Variants in ARHGEF16 observed in about 807,000 individuals in gnomAD.
ARHGEF16 encodes the protein Rho guanine exchange factor (GEF) 16.
Under a neutral mutation model 74.1 loss-of-function variants are expected in ARHGEF16, and 59 were observed. The observed-to-expected ratio is 0.80, with a 90% CI of 0.65 to 0.99. The LOEUF is 0.99. Ranked by LOEUF, ARHGEF16 falls within the 50% of genes least tolerant of loss-of-function variation. ARHGEF16 has a pLI of 0.00. For missense variants in ARHGEF16, 948 were observed against 986.6 expected, an observed-to-expected ratio of 0.96 and a Z score of 0.52; for synonymous variants, 415 against 412.6, an observed-to-expected ratio of 1.01 and a Z score of -0.07.
rs190407416 is a variant in ARHGEF16, at chr1:3,477,900, G to T, written c.1499G>T (p.Arg500Leu). ...VKSLPLISAS[R>L]WLLKRGELFL... The stretch of plus-strand genomic sequence containing the variant: ...TCCCTCCCACTGATCTCTGCCTCCC[G>T]GTGGCTGCTGAAGCGCGGAGAGCTG... The change falls in exon 11 of 15, where the codon CGG becomes CTG. Residue 500 changes from arginine (R) to leucine (L), a missense_variant. Transcript: ENST00000378378. The T allele has an allele frequency of 6.5e-4, 1,053 of 1,612,512 alleles. 12 individuals carry two copies. In the Admixed American group the frequency reaches 0.016, roughly 25 times the overall value.
At position 3,466,166 on chromosome 1, in the gene ARHGEF16, C is replaced by T. The variant is rs531452977; in HGVS notation, c.607C>T (p.Arg203Cys). 5.8e-6 allele frequency: 9 copies of T among 1,547,190 alleles called. No homozygotes were observed. The highest frequency in any genetic ancestry group is 4.9e-5 in the East Asian group (2 of 40,640). Residue 203 changes from arginine (R) to cysteine (C), a missense_variant, in exon 3 of 15, where the codon CGT (arginine) becomes TGT (cysteine). By Grantham distance (180) the Arg-to-Cys change is radical (BLOSUM62 -3). Transcript: ENST00000378378. ...TGTGCAGAAGACGCTGGGGAGGAAA[C>T]GTGGGCACAAGGGTTCCTTCAAGGA... is the stretch of plus-strand genomic sequence containing the variant. Reference protein sequence around the residue: ...AKNKKTLGRKRGHKGSFKDDP... With the variant: ...AKNKKTLGRKCGHKGSFKDDP...
At chr1:3,471,756 C>T in intron 6 of ARHGEF16, 3 of 1,192,664 alleles carry the variant, frequency 2.5e-6, no homozygotes, top group Non-Finnish European at 3.2e-6. Context: ...TCCTGGCATT[C>T]ACAGTGAACT....
At position 3,469,219 on chromosome 1, in the gene ARHGEF16, C is replaced by T. The variant is rs564977706; in HGVS notation, c.862-214C>T. The stretch of plus-strand genomic sequence containing the variant: ...ACGGGGGTCGTTGCCCAGCTTCAGC[C>T]GGCTCATAAGGCACCCAGCCAGGGG... On this transcript the variant is annotated intron_variant, in intron 5 of 14. Transcript: ENST00000378378. 9.1e-4 allele frequency among the ~76,000 whole-genome samples: 138 copies of T among 152,296 alleles called. 1 individual carries two copies. The highest frequency in any genetic ancestry group is 3.2e-3 in the African/African-American group (135 of 41,566).
chr1:3,463,242 A>G lies in ARHGEF16; in HGVS notation c.158A>G (p.Gln53Arg), dbSNP rs1639447989. 3 of 1,547,566 alleles carry G rather than the reference A, an allele frequency of 1.9e-6. No homozygotes were observed. The highest frequency in any genetic ancestry group is 2.6e-6 in the Non-Finnish European group (3 of 1,145,084). The change falls in exon 2 of 15, where the codon CAG becomes CGG. Residue 53 changes from glutamine to arginine, a missense_variant. Transcript: ENST00000378378. ...AGAGACGATGCCGCCTTCCAGCCCCAGGTCCCGGCACCCCCACAGCCTCGG... is the reference window on the plus strand; with the variant it reads ...AGAGACGATGCCGCCTTCCAGCCCCGGGTCCCGGCACCCCCACAGCCTCGG... The part of the protein sequence containing the change: ...RVRDDAAFQP[Q>R]VPAPPQPRPP...
chr1:3,459,420 CAG>C (rs151090630), intron 1 of ARHGEF16, among the ~76,000 whole-genome samples: 6,815 of 152,276 alleles, frequency 0.045, 509 homozygotes, highest in African/African-American at 0.16. Flanking sequence ...CCTCACCAGT[CAG>C]GGGAGAGGAA....
At chr1:3,472,709 T>C (rs2298082) in intron 6 of ARHGEF16, 129,597 of 174,422 alleles carry the variant, frequency 0.74, 51,351 homozygotes, top group South Asian at 0.87. Context: ...TGGAAGGAGC[T>C]TGAAGGGCGA....
intron 3 of ARHGEF16, chr1:3,466,848 A>G: frequency 3.8e-6 from 1 of 265,452 alleles, no homozygotes. Flanking sequence ...GGGGGTACCC[A>G]GGTCTCCTCT....
At chr1:3,459,338 G>A (rs1303282623) in intron 1 of ARHGEF16, among the ~76,000 whole-genome samples, 1 of 152,230 alleles carries the variant, frequency 6.6e-6, no homozygotes, top group Non-Finnish European at 1.5e-5. Context: ...CCCTTCCCCA[G>A]CAACTCTGAC....
At position 3,467,379 on chromosome 1, in the gene ARHGEF16, G is replaced by A. The variant is rs749565133; in HGVS notation, c.804+42G>A. 1.7e-5 allele frequency: 26 copies of A among 1,523,386 alleles called. No homozygotes were observed. The African/African-American group carries it at 3.4e-4, about 20-fold the overall frequency. 94.4% of individuals were successfully genotyped at this position (1,523,386 alleles called of 1,614,324 possible). Reference sequence around the variant, plus strand: ...GGTGAGGCTGCCCCACAGAGGCAGGGAGAAGCCACAGTCCCCCTGCTGTTC... The same window carrying A: ...GGTGAGGCTGCCCCACAGAGGCAGGAAGAAGCCACAGTCCCCCTGCTGTTC... On this transcript the variant is annotated intron_variant, in intron 4 of 14. Transcript: ENST00000378378.
chr1:3,470,833 G>A (rs570167643), intron 6 of ARHGEF16, among the ~76,000 whole-genome samples: 10 of 148,362 alleles, frequency 6.7e-5, no homozygotes, highest in African/African-American at 2.3e-4. Flanking sequence ...TGTGTGGGCA[G>A]GGGTGTGTGT....
At chr1:3,480,167 C>A (rs189938560) in intron 14 of ARHGEF16, among the ~76,000 whole-genome samples, 244 of 152,316 alleles carry the variant, frequency 1.6e-3, no homozygotes, top group African/African-American at 5.6e-3. Context: ...TCAGCCAGGC[C>A]CAGCACGAGC....
chr1:3,467,834 C>T (rs941400465), intron 4 of ARHGEF16, among the ~76,000 whole-genome samples: 5 of 152,148 alleles, frequency 3.3e-5, no homozygotes, highest in African/African-American at 9.7e-5. Flanking sequence ...ATGGCTGCTC[C>T]TACCCCAGGT....
chr1:3,479,431 C>T (rs1639993307), intron 12 of ARHGEF16, 86 bp from the exon 13 acceptor site: 3 of 1,469,230 alleles, frequency 2.0e-6, no homozygotes, highest in Non-Finnish European at 2.8e-6. Flanking sequence ...TTGCCACGGC[C>T]CCCATGGGTG....
chr1:3,458,894 AATGAAAATGATAAGACCAGG>A (rs1639326172), intron 1 of ARHGEF16, among the ~76,000 whole-genome samples: 1 of 152,226 alleles, frequency 6.6e-6, no homozygotes, highest in Non-Finnish European at 1.5e-5. Context: ...CTTTGAGGAT[AATGAAAATGATAAGACCAGG>A]GGCCAATAAG....
At chr1:3,466,610 G>A (rs1473138275) in intron 3 of ARHGEF16, among the ~76,000 whole-genome samples, 1 of 152,208 alleles carries the variant, frequency 6.6e-6, no homozygotes, top group Non-Finnish European at 1.5e-5. Flanking sequence ...ATGGGTGGCG[G>A]TGGTGCACAC....
At chr1:3,474,033 A>G in intron 8 of ARHGEF16, 1 of 201,804 alleles carries the variant, frequency 5.0e-6, no homozygotes, top group South Asian at 1.0e-4. Context: ...TATACAGTGT[A>G]CACGCACTCA....
chr1:3,462,469 A>G (rs1639423907), intron 1 of ARHGEF16, among the ~76,000 whole-genome samples: 1 of 152,136 alleles, frequency 6.6e-6, no homozygotes, highest in South Asian at 2.1e-4. Context: ...CCCCCAACCC[A>G]GCAGAGCCTG....
At position 3,473,444 on chromosome 1, in the gene ARHGEF16, G is replaced by A. The variant is rs60260959; in HGVS notation, c.1227G>A (p.Pro409=). ...CCCTGAGAGAGATTGAGAGGCGGCC[G>A]GCGTGCGGGGGCCTGCCCATGCTCT... ...REALREIERR[P]ACGGLPMLSF... The change falls in exon 8 of 15, where the codon CCG becomes CCA. Residue 409 remains proline, a synonymous_variant. Transcript: ENST00000378378. 2,313 of 1,612,426 alleles carry A rather than the reference G, an allele frequency of 1.4e-3. 27 individuals are homozygous for A. The African/African-American group carries it at 0.028, about 20-fold the overall frequency.
In ARHGEF16 at chr1:3,473,100, C is replaced by G; in HGVS notation, c.1045C>G (p.Arg349Gly). Residue 349 changes from arginine to glycine, a missense_variant, in exon 7 of 15, where the codon CGG becomes GGG. Physicochemically the swap from Arg to Gly is moderately radical, Grantham distance 125 (BLOSUM62 -2). Transcript: ENST00000378378. ...CAGGTTCTTCGAGGACCTGGAGCAG[C>G]GGCACAAGGCCCAGGTGCTGGTCGA... ...SQRFFEDLEQ[R>G]HKAQVLVEDI... 1 of 1,612,980 alleles carries G rather than the reference C, an allele frequency of 6.2e-7. No individual in the cohort carries two copies. The highest frequency in any genetic ancestry group is 8.5e-7 in the Non-Finnish European group (1 of 1,179,752).
Sources: gnomAD v4.1 joint callset for allele counts (sites outside exome capture counted in the v4.1 genomes callset) on GRCh38, gnomAD v4.1.1 for gene constraint, MANE v1.5 for transcripts, NCBI Gene and HGNC (gene_info 2026-07-23, HGNC 2026-07-21) for gene names.